The following AUTS2 variants were observed in gnomAD, a reference collection of about 807,000 sequenced individuals.
The protein encoded by AUTS2 is autism susceptibility gene 2 protein.
Under a neutral mutation model 112.4 loss-of-function variants are expected in AUTS2, and 17 were observed. The ratio of observed to expected loss-of-function variants is 0.15; its 90% confidence interval spans 0.10 to 0.23. AUTS2 has a LOEUF of 0.23. Among genes scored for constraint, AUTS2 ranks in the 10% least tolerant of loss-of-function variants. The pLI, the probability that AUTS2 is intolerant of heterozygous loss-of-function variation, is 1.00. For synonymous variants in AUTS2, 751 were observed against 702.7 expected (o/e 1.07, Z -1.09); for missense variants, 1,510 against 1,701.6 (o/e 0.89, Z 1.98).
chr7:70,319,402 T>A (rs746884754), intron 4 of AUTS2, among the ~76,000 whole-genome samples: 2 of 152,186 alleles, frequency 1.3e-5, no homozygotes, highest in African/African-American at 2.4e-5. Context: ...AACAGAAATG[T>A]TCATAGCACC....
intron 4 of AUTS2, among the ~76,000 whole-genome samples, chr7:70,255,843 T>C (rs931993898): frequency 2.0e-5 from 3 of 152,244 alleles, no homozygotes; most frequent in Non-Finnish European, 4.4e-5. Context: ...CTAAGGTTTT[T>C]AATTATATGC....
At chr7:69,608,361 G>A (rs1168160732) in intron 1 of AUTS2, among the ~76,000 whole-genome samples, 1 of 152,098 alleles carries the variant, frequency 6.6e-6, no homozygotes, top group African/African-American at 2.4e-5. Context: ...ACCTACCCTC[G>A]TCTGCAGCAC....
At chr7:69,745,536 C>T (rs1044741436) in intron 1 of AUTS2, among the ~76,000 whole-genome samples, 1 of 152,190 alleles carries the variant, frequency 6.6e-6, no homozygotes, top group Admixed American at 6.5e-5. Context: ...CTTCTCATTA[C>T]GTCTGCAAGC....
At chr7:69,613,584 A>G (rs1200500690) in intron 1 of AUTS2, among the ~76,000 whole-genome samples, 1 of 152,216 alleles carries the variant, frequency 6.6e-6, no homozygotes, top group Non-Finnish European at 1.5e-5. Flanking sequence ...ATCTCACTGA[A>G]TTCTAAAAGT....
chr7:70,517,487 A>C (rs552373975), intron 5 of AUTS2, among the ~76,000 whole-genome samples: 1 of 152,158 alleles, frequency 6.6e-6, no homozygotes, highest in African/African-American at 2.4e-5. Context: ...AACCAACTAG[A>C]GTTCAGTGTT....
intron 5 of AUTS2, among the ~76,000 whole-genome samples, chr7:70,499,045 T>A (rs962188083): frequency 6.6e-6 from 1 of 152,128 alleles, no homozygotes; most frequent in Non-Finnish European, 1.5e-5. Flanking sequence ...CATCTCTCTT[T>A]CAGCTCACTT....
intron 5 of AUTS2, among the ~76,000 whole-genome samples, chr7:70,463,218 G>A (rs1279335372): frequency 2.0e-5 from 3 of 152,200 alleles, no homozygotes; most frequent in Non-Finnish European, 4.4e-5. Context: ...CAGTGTTCCT[G>A]TTCACTCACT....
At chr7:70,044,200 G>A (rs927125315) in intron 2 of AUTS2, among the ~76,000 whole-genome samples, 1 of 152,150 alleles carries the variant, frequency 6.6e-6, no homozygotes, top group African/African-American at 2.4e-5. Context: ...GTTTCCAGGT[G>A]CAGGTCCTCC....
At chr7:69,972,666 C>T (rs1371147667) in intron 2 of AUTS2, among the ~76,000 whole-genome samples, 6 of 131,892 alleles carry the variant, frequency 4.5e-5, no homozygotes, top group East Asian at 2.1e-4. Context: ...TGTGTGTGTG[C>T]GTGCATGTGT....
intron 6 of AUTS2, among the ~76,000 whole-genome samples, chr7:70,740,819 C>T (rs1383758317): frequency 3.9e-5 from 6 of 152,100 alleles, no homozygotes; most frequent in Non-Finnish European, 5.9e-5. Context: ...CTGGGCCAGG[C>T]GCAGTGGCTC....
chr7:70,499,150 C>T (rs757102023), intron 5 of AUTS2, among the ~76,000 whole-genome samples: 4 of 152,118 alleles, frequency 2.6e-5, no homozygotes, highest in Admixed American at 6.5e-5. Flanking sequence ...TACAGTCTCA[C>T]GGAAGGTGAA....
At chr7:70,543,177 A>G (rs917240458) in intron 5 of AUTS2, among the ~76,000 whole-genome samples, 25 of 152,164 alleles carry the variant, frequency 1.6e-4, no homozygotes, top group Admixed American at 3.3e-4. Flanking sequence ...TGAGATCCAA[A>G]TAAGGGAGGA....
At chr7:70,777,009 C>T (rs1286596771) in intron 13 of AUTS2, 94 bp from the exon 14 acceptor site, 35 of 1,261,842 alleles carry the variant, frequency 2.8e-5, no homozygotes, top group Admixed American at 1.7e-5. Flanking sequence ...AAAAAAGCCT[C>T]TGCAGCCAAA....
chr7:70,252,430 C>T (rs1041630414), intron 4 of AUTS2, among the ~76,000 whole-genome samples: 2 of 152,084 alleles, frequency 1.3e-5, no homozygotes, highest in Non-Finnish European at 2.9e-5. Flanking sequence ...GCCCTTTGCC[C>T]ATTTTTTGAC....
At chr7:70,017,855 T>C (rs1800100233) in intron 2 of AUTS2, among the ~76,000 whole-genome samples, 1 of 148,148 alleles carries the variant, frequency 6.8e-6, no homozygotes, top group Admixed American at 6.7e-5. Context: ...TTTATATATT[T>C]ATATTATATT....
chr7:70,097,635 A>C (rs954872791), intron 2 of AUTS2, among the ~76,000 whole-genome samples: 1 of 152,250 alleles, frequency 6.6e-6, no homozygotes, highest in Non-Finnish European at 1.5e-5. Context: ...TATTCTATAC[A>C]TTGTCAACCC....
chr7:70,574,852 C>A (rs1487643560), intron 5 of AUTS2, among the ~76,000 whole-genome samples: 1 of 152,194 alleles, frequency 6.6e-6, no homozygotes, highest in Non-Finnish European at 1.5e-5. Flanking sequence ...CCACCACTAG[C>A]CCTCTGTAGG....
In AUTS2 at chr7:69,636,488, C is replaced by CG. The variant is rs937232763; in HGVS notation, c.309+36526_309+36527insG. On this transcript the variant is annotated intron_variant, in intron 1 of 18. Coordinates refer to ENST00000342771, the MANE Select transcript of AUTS2 (RefSeq NM_015570.4). Reference sequence around the variant, plus strand: ...GACCTCAAGTGATCCGCGCCCCCCCCCCCCCTTGGCCTCCCAAAGTGCTAG... The same window carrying CG: ...GACCTCAAGTGATCCGCGCCCCCCCCGCCCCCTTGGCCTCCCAAAGTGCTAG... Among the ~76,000 whole-genome samples, 57 of 89,002 alleles carry CG rather than the reference C, an allele frequency of 6.4e-4. 16 individuals are homozygous for CG. The South Asian group carries it at 0.025, about 39-fold the overall frequency. 58.4% of individuals were successfully genotyped at this position (89,002 alleles called of 152,430 possible).
intron 5 of AUTS2, among the ~76,000 whole-genome samples, chr7:70,438,336 G>A (rs533404082): frequency 3.9e-5 from 6 of 152,278 alleles, no homozygotes; most frequent in Non-Finnish European, 5.9e-5. Context: ...GCGAGTCCAA[G>A]AGTGGCAATG....
Sources: gnomAD v4.1 joint callset for allele counts (sites outside exome capture counted in the v4.1 genomes callset) on GRCh38, gnomAD v4.1.1 for gene constraint, MANE v1.5 for transcripts, NCBI Gene and HGNC (gene_info 2026-07-23, HGNC 2026-07-21) for gene names.